HRH4: variants seen among roughly 807,000 people sequenced by gnomAD.
The protein encoded by HRH4 is histamine H4 receptor.
Under a neutral mutation model 10.4 loss-of-function variants are expected in HRH4, and 12 were observed. That is an observed-to-expected ratio of 1.15 (90% confidence interval 0.74 to 1.87). HRH4 has a LOEUF of 1.87. Among genes scored for constraint, HRH4 ranks in the 40% most tolerant of loss-of-function variants. The probability of loss-of-function intolerance (pLI) is 0.00; values close to 1 mark genes in which losing one functional copy is unlikely to be tolerated. For missense variants in HRH4, 415 were observed against 453.3 expected (o/e 0.92, Z 0.77); for synonymous variants, 154 against 166.6 (o/e 0.92, Z 0.58).
Position 24,476,959 on chromosome 18 carries a change from C to G in HRH4, c.570C>G (p.Val190=), listed in dbSNP as rs148875532. The G allele has an allele frequency of 1.9e-6, 3 of 1,614,136 alleles. No homozygotes were observed. In the Admixed American group the frequency reaches 5.0e-5, roughly 27 times the overall value. Reference sequence around the variant, plus strand: ...AATTCGTGATCCCAGTCATCTTAGTCGCTTATTTCAACATGAATATTTATT... The same window carrying G: ...AATTCGTGATCCCAGTCATCTTAGTGGCTTATTTCAACATGAATATTTATT... The part of the protein sequence containing the change: ...FLEFVIPVIL[V]AYFNMNIYWS... The change falls in exon 3 of 3, where the codon GTC becomes GTG. Residue 190 remains valine (V), a synonymous_variant. Transcript: ENST00000256906.
chr18:24,471,516 A>C (rs1281869377), intron 2 of HRH4, among the ~76,000 whole-genome samples: 2 of 146,076 alleles, frequency 1.4e-5, no homozygotes, highest in Non-Finnish European at 3.0e-5. Context: ...CTGAGGAAGG[A>C]GAATTGCTTG....
In HRH4 at chr18:24,478,978, C is replaced by A. The variant is rs1306015424; in HGVS notation, c.*1416C>A. 2 of 152,208 alleles carry A rather than the reference C, an allele frequency of 1.3e-5. No homozygotes were observed. Among genetic ancestry groups the A allele is most frequent in the Non-Finnish European group, 2.9e-5 (2 of 68,052 alleles). The allele number at this position is 152,208 out of a possible 1,614,324, so 9.4% of individuals were successfully genotyped here. A position where few individuals can be genotyped will look rare whatever the true frequency, so the allele number is the denominator to read the frequency against. Reference sequence around the variant, plus strand: ...TGTCACCCAGGCTGGAGTGCAGTAGCATGATCAGGGATCACTGCAACCTCT... The same window carrying A: ...TGTCACCCAGGCTGGAGTGCAGTAGAATGATCAGGGATCACTGCAACCTCT... On this transcript the variant is annotated 3_prime_UTR_variant, in exon 3 of 3. Transcript: ENST00000256906.
chr18:24,471,134 C>T (rs937777631), intron 2 of HRH4, among the ~76,000 whole-genome samples: 21 of 151,858 alleles, frequency 1.4e-4, no homozygotes, highest in Admixed American at 1.3e-4. Context: ...ACTTCATTGG[C>T]GCCAGGGACC....
intron 2 of HRH4, among the ~76,000 whole-genome samples, chr18:24,474,759 TCA>T (rs1910088835): frequency 6.6e-6 from 1 of 151,964 alleles, no homozygotes; most frequent in Admixed American, 6.6e-5. Context: ...CCATCTCGGT[TCA>T]CTGAAACCTC....
Position 24,460,857 on chromosome 18 carries a change from CA to C in HRH4, c.134del (p.Asn45ThrfsTer22). ...TGGTCATTTTAGCTTTTGTGGTGGA[CA>C]AAAACCTTAGACATCGAAGTAGTTA... The part of the protein sequence containing the change: ...ALVILAFVVD[K>X]NLRHRSSYFF... On this transcript the variant is annotated frameshift_variant, in exon 1 of 3. Coordinates refer to ENST00000256906, the MANE Select transcript of HRH4 (RefSeq NM_021624.4). LOFTEE classifies it high-confidence loss of function. 3.2e-6 allele frequency: 5 copies of C among 1,586,958 alleles called. No homozygotes were observed. The highest frequency in any genetic ancestry group is 2.3e-5 in the South Asian group (2 of 86,696).
chr18:24,462,106 A>G (rs1447373333), intron 1 of HRH4, among the ~76,000 whole-genome samples: 1 of 152,216 alleles, frequency 6.6e-6, no homozygotes, highest in African/African-American at 2.4e-5. Context: ...TTCCATAGTC[A>G]GAGATAGGGC....
chr18:24,470,944 C>T (rs553646088), intron 2 of HRH4, among the ~76,000 whole-genome samples: 1 of 147,050 alleles, frequency 6.8e-6, no homozygotes, highest in South Asian at 2.2e-4. Context: ...TTTTTTTAAC[C>T]AAGTAGTGCA....
Position 24,466,926 on chromosome 18 carries a change from G to A in HRH4, c.194-1862G>A, listed in dbSNP as rs778713129. On this transcript the variant is annotated intron_variant, in intron 1 of 2. Coordinates refer to ENST00000256906, the MANE Select transcript of HRH4 (RefSeq NM_021624.4). Reference sequence around the variant, plus strand: ...GCTAAAGGAAAAGGAACCTCGTTTCGTCACTTTTCAGTTAAGCAGTTTCTA... The same window carrying A: ...GCTAAAGGAAAAGGAACCTCGTTTCATCACTTTTCAGTTAAGCAGTTTCTA... Among the ~76,000 whole-genome samples the A allele has an allele frequency of 6.7e-4, 102 of 152,294 alleles. 1 individual carries two copies. Among genetic ancestry groups the A allele is most frequent in the Non-Finnish European group, 2.1e-4 (14 of 68,026 alleles).
chr18:24,471,413 T>C (rs1350850667), intron 2 of HRH4, among the ~76,000 whole-genome samples: 1 of 151,470 alleles, frequency 6.6e-6, no homozygotes, highest in Non-Finnish European at 1.5e-5. Flanking sequence ...GAGACCAGCC[T>C]GGCCAATATG....
At chr18:24,470,584 A>G (rs1909911480) in intron 2 of HRH4, among the ~76,000 whole-genome samples, 1 of 145,376 alleles carries the variant, frequency 6.9e-6, no homozygotes, top group Non-Finnish European at 1.5e-5. Flanking sequence ...GCTCACTGCA[A>G]CCTCTGCCTC....
chr18:24,462,256 A>G lies in HRH4; in HGVS notation c.193+1335A>G, dbSNP rs80291711. 7.2e-5 allele frequency among the ~76,000 whole-genome samples: 11 copies of G among 152,304 alleles called. No individual in the cohort carries two copies. In the East Asian group the frequency reaches 2.1e-3, roughly 29 times the overall value. ...AGCCGTAGAGATGAAGATGAAATCT[A>G]TAAAGTGAGGGCCTTTAAATACCAG... On this transcript the variant is annotated intron_variant, in intron 1 of 2. Transcript: ENST00000256906.
chr18:24,461,023 G>A, intron 1 of HRH4, 102 bp downstream of exon 1: 1 of 853,136 alleles, frequency 1.2e-6, no homozygotes, highest in Non-Finnish European at 1.7e-6. Context: ...TATACAACTG[G>A]GGAAAAATAA....
chr18:24,468,647 A>C, intron 1 of HRH4, 141 bp from the exon 2 acceptor site: 1 of 802,220 alleles, frequency 1.2e-6, no homozygotes, highest in South Asian at 2.0e-5. Flanking sequence ...CTGCTTGATG[A>C]AATACCGTGA....
chr18:24,462,947 G>C (rs1909680886), intron 1 of HRH4, among the ~76,000 whole-genome samples: 1 of 152,122 alleles, frequency 6.6e-6, no homozygotes, highest in Non-Finnish European at 1.5e-5. Flanking sequence ...TTCTTCACAG[G>C]ATCTTGTGAC....
chr18:24,466,967 C>A (rs1023279540), intron 1 of HRH4, among the ~76,000 whole-genome samples: 2 of 152,226 alleles, frequency 1.3e-5, no homozygotes, highest in Non-Finnish European at 2.9e-5. Context: ...GGCTGAATCA[C>A]TGTGGTAGAG....
rs1029729807 is a variant in HRH4 at position 24,479,799 on chromosome 18, C to A, written c.*2237C>A. 2 of 152,086 alleles carry A rather than the reference C, an allele frequency of 1.3e-5. No homozygotes were observed. Among genetic ancestry groups the A allele is most frequent in the African/African-American group, 4.8e-5 (2 of 41,418 alleles). 9.4% of individuals were successfully genotyped at this position (152,086 alleles called of 1,614,324 possible). On this transcript the variant is annotated 3_prime_UTR_variant, in exon 3 of 3. Coordinates refer to ENST00000256906, the MANE Select transcript of HRH4 (RefSeq NM_021624.4). The stretch of plus-strand genomic sequence containing the variant: ...CTTAGAAACTTTAAACCTTTAACTT[C>A]AAACATTAAAATACAAGTCTTTTAA...
At chr18:24,475,891 C>G (rs1910119977) in intron 2 of HRH4, among the ~76,000 whole-genome samples, 1 of 151,984 alleles carries the variant, frequency 6.6e-6, no homozygotes, top group African/African-American at 2.4e-5. Context: ...ATCTGTAATC[C>G]CAGCTATTCA....
intron 1 of HRH4, among the ~76,000 whole-genome samples, 185 bp from the exon 2 acceptor site, chr18:24,468,603 G>T (rs1377686003): frequency 6.6e-6 from 1 of 152,194 alleles, no homozygotes; most frequent in Non-Finnish European, 1.5e-5. Flanking sequence ...TCTAAAAATG[G>T]CGTTTAAGGA....
intron 1 of HRH4, among the ~76,000 whole-genome samples, chr18:24,462,010 G>A (rs993322463): frequency 6.6e-6 from 1 of 152,156 alleles, no homozygotes. Flanking sequence ...GACCTAAGAA[G>A]TGCTATGGTC....
Sources: gnomAD v4.1 joint callset for allele counts (sites outside exome capture counted in the v4.1 genomes callset) on GRCh38, gnomAD v4.1.1 for gene constraint, MANE v1.5 for transcripts, NCBI Gene and HGNC (gene_info 2026-07-23, HGNC 2026-07-21) for gene names.